PCDH11Y: variants seen among roughly 807,000 people sequenced by gnomAD.
PCDH11Y encodes the protein protocadherin-11 Y-linked.
For synonymous variants in PCDH11Y, 9 were observed against 83.6 expected, an observed-to-expected ratio of 0.11 and a Z score of 4.87; for missense variants, 12 against 224.8, an observed-to-expected ratio of 0.05 and a Z score of 6.05.
chrY:5,384,249 G>C (rs2053208696), intron 2 of PCDH11Y, among the ~76,000 whole-genome samples: 1 of 31,976 alleles, frequency 3.1e-5, no homozygotes, highest in Non-Finnish European at 7.6e-5. Context: ...TTCAGATGTG[G>C]ATGTAGGAGG....
chrY:5,650,111 AT>A (rs1602956175), intron 4 of PCDH11Y, among the ~76,000 whole-genome samples: 205 of 32,400 alleles, frequency 6.3e-3, no homozygotes, highest in Admixed American at 0.015. Flanking sequence ...ATAGAATGCA[AT>A]TTTTTTTATA....
intron 4 of PCDH11Y, among the ~76,000 whole-genome samples, chrY:5,645,341 C>T (rs2124705551): frequency 3.0e-5 from 1 of 32,933 alleles, no homozygotes; most frequent in African/African-American, 1.2e-4. Flanking sequence ...CTGACTTTAG[C>T]ATTTTTTTTC....
chrY:5,136,155 A>C (rs1247070709), intron 2 of PCDH11Y, among the ~76,000 whole-genome samples: 4 of 28,571 alleles, frequency 1.4e-4, no homozygotes, highest in African/African-American at 4.0e-4. Flanking sequence ...ATCACAGGAC[A>C]CTTTGCAGAC....
At chrY:5,321,238 G>T in intron 2 of PCDH11Y, among the ~76,000 whole-genome samples, 2 of 32,496 alleles carry the variant, frequency 6.2e-5, no homozygotes, top group East Asian at 8.2e-4. Context: ...GAGAATGAGG[G>T]CTGAGCAAAA....
At chrY:5,494,668 T>G in intron 2 of PCDH11Y, among the ~76,000 whole-genome samples, 1 of 32,231 alleles carries the variant, frequency 3.1e-5, no homozygotes, top group South Asian at 6.9e-4. Context: ...CACAGGCTAG[T>G]GATGTATTAT....
At chrY:5,322,693 G>A in intron 2 of PCDH11Y, among the ~76,000 whole-genome samples, 1 of 32,263 alleles carries the variant, frequency 3.1e-5, no homozygotes, top group African/African-American at 1.2e-4. Flanking sequence ...GGTAGCAGAC[G>A]ATATCTTATT....
At chrY:5,033,852 C>T in intron 3 of PCDH11Y, among the ~76,000 whole-genome samples, 7 of 32,551 alleles carry the variant, frequency 2.2e-4, no homozygotes, top group Admixed American at 2.0e-3. Flanking sequence ...TTTATGGTGC[C>T]TGGGACCTCC....
intron 2 of PCDH11Y, among the ~76,000 whole-genome samples, chrY:5,242,506 A>G: frequency 3.9e-5 from 1 of 25,969 alleles, no homozygotes; most frequent in Non-Finnish European, 8.7e-5. Flanking sequence ...AGTCTTGTTA[A>G]TGTTGTTCAT....
chrY:5,161,055 T>TA (rs2052874266), intron 2 of PCDH11Y, among the ~76,000 whole-genome samples: 1 of 32,806 alleles, frequency 3.0e-5, no homozygotes, highest in Non-Finnish European at 7.6e-5. Flanking sequence ...CATGTGAATC[T>TA]AAAAAAACTA....
intron 2 of PCDH11Y, among the ~76,000 whole-genome samples, chrY:5,163,629 A>T: frequency 3.1e-5 from 1 of 32,127 alleles, no homozygotes; most frequent in Non-Finnish European, 7.6e-5. Context: ...GTGAGTTCTC[A>T]TTAGATCTGA....
chrY:5,727,864 C>G, intron 4 of PCDH11Y, among the ~76,000 whole-genome samples: 1 of 32,524 alleles, frequency 3.1e-5, no homozygotes, highest in African/African-American at 1.2e-4. Context: ...TATCTATCAC[C>G]ATTTTCATAT....
chrY:5,564,092 T>C, intron 3 of PCDH11Y, among the ~76,000 whole-genome samples: 1 of 28,686 alleles, frequency 3.5e-5, no homozygotes, highest in African/African-American at 1.4e-4. Flanking sequence ...TTTATGATAC[T>C]TTTTCTGAAT....
At chrY:5,579,537 T>C in intron 3 of PCDH11Y, among the ~76,000 whole-genome samples, 1 of 32,778 alleles carries the variant, frequency 3.1e-5, no homozygotes, top group Non-Finnish European at 7.6e-5. Flanking sequence ...TTTAATAGCC[T>C]AAAAACAATC....
At chrY:5,439,727 T>G in intron 2 of PCDH11Y, among the ~76,000 whole-genome samples, 1 of 33,994 alleles carries the variant, frequency 2.9e-5, no homozygotes, top group Admixed American at 2.6e-4. Context: ...CTGTGCAGTA[T>G]AGAAGCCAGA....
At chrY:5,223,280 A>G (rs2052956092) in intron 2 of PCDH11Y, among the ~76,000 whole-genome samples, 1 of 32,695 alleles carries the variant, frequency 3.1e-5, no homozygotes, top group African/African-American at 1.2e-4. Flanking sequence ...TTTGTATTTA[A>G]TTGTCCTTTT....
intron 4 of PCDH11Y, among the ~76,000 whole-genome samples, chrY:5,599,189 A>C: frequency 1.6e-4 from 5 of 31,975 alleles, no homozygotes; most frequent in African/African-American, 6.1e-4. Flanking sequence ...TACCCAAACA[A>C]TAAGAAAATG....
At chrY:5,330,397 G>C (rs2053129835) in intron 2 of PCDH11Y, among the ~76,000 whole-genome samples, 1 of 33,668 alleles carries the variant, frequency 3.0e-5, no homozygotes, top group Admixed American at 2.7e-4. Context: ...CAGGGGATGC[G>C]ATGGCTTGGC....
intron 1 of PCDH11Y, among the ~76,000 whole-genome samples, chrY:5,014,710 G>T: frequency 6.1e-5 from 2 of 32,986 alleles, no homozygotes; most frequent in Non-Finnish European, 1.5e-4. Flanking sequence ...GCTATGGGTT[G>T]GCTCAGATAT....
intron 4 of PCDH11Y, among the ~76,000 whole-genome samples, chrY:5,586,261 C>A (rs2124697922): frequency 3.1e-5 from 1 of 32,385 alleles, no homozygotes; most frequent in South Asian, 6.8e-4. Flanking sequence ...TTGTTTGTGT[C>A]ATCTCTGATT....
Sources: allele counts gnomAD v4.1 joint callset (sites outside exome capture counted in the v4.1 genomes callset), GRCh38; gene constraint gnomAD v4.1.1; transcripts MANE v1.5; gene names NCBI Gene and HGNC (gene_info 2026-07-23, HGNC 2026-07-21).